Variants in CELF1 observed in about 807,000 individuals in gnomAD.
CELF1 encodes CUGBP Elav-like family member 1.
A neutral mutation model predicts 61.8 loss-of-function variants in CELF1; 10 were observed. That is an observed-to-expected ratio of 0.16 (90% confidence interval 0.10 to 0.27). CELF1 has a LOEUF of 0.27. Among genes scored for constraint, CELF1 ranks in the 10% least tolerant of loss-of-function variants. CELF1 has a pLI of 1.00. For missense variants in CELF1, 380 were observed against 639.1 expected (o/e 0.59, Z 4.37); for synonymous variants, 236 against 225.1 (o/e 1.05, Z -0.43).
At chr11:47,489,132 A>AATCT (rs1322703924) in intron 3 of CELF1, 108 bp from the exon 4 acceptor site, 19 of 971,918 alleles carry the variant, frequency 2.0e-5, no homozygotes, top group Non-Finnish European at 1.4e-6. Context: ...AGGGAAAAAA[A>AATCT]ATCTACTTCT....
At chr11:47,531,323 G>A (rs189009538) in intron 1 of CELF1, among the ~76,000 whole-genome samples, 7 of 151,724 alleles carry the variant, frequency 4.6e-5, no homozygotes, top group Admixed American at 2.0e-4. Flanking sequence ...TCAACCCAGC[G>A]CTTTGGGAGG....
At chr11:47,542,342 T>C (rs774283008) in intron 1 of CELF1, among the ~76,000 whole-genome samples, 52 of 151,988 alleles carry the variant, frequency 3.4e-4, no homozygotes, top group Non-Finnish European at 6.2e-4. Context: ...CACTCCACCC[T>C]GGGCAACAAG....
chr11:47,558,756 TAA>T (rs1261872536), intron 2 of CELF1, among the ~76,000 whole-genome samples: 1 of 101,800 alleles, frequency 9.8e-6, no homozygotes, highest in African/African-American at 4.0e-5. Flanking sequence ...ATAATATATA[TAA>T]TATATATAAT....
intron 1 of CELF1, among the ~76,000 whole-genome samples, chr11:47,528,338 G>A (rs1029038993): frequency 2.6e-5 from 4 of 152,060 alleles, no homozygotes; most frequent in Admixed American, 2.0e-4. Context: ...CTTATACTAT[G>A]TGTAAAACTC....
At chr11:47,511,636 T>C (rs973818789) in intron 1 of CELF1, among the ~76,000 whole-genome samples, 2 of 152,202 alleles carry the variant, frequency 1.3e-5, no homozygotes, top group African/African-American at 2.4e-5. Context: ...GCATTTACCA[T>C]ACACTATGAC....
chr11:47,487,283 A>G, intron 4 of CELF1, 42 bp from the exon 5 acceptor site: 1 of 1,490,650 alleles, frequency 6.7e-7, no homozygotes, highest in Non-Finnish European at 9.3e-7. Flanking sequence ...TTTGGAAAGC[A>G]GAGAATTCCT....
intron 3 of CELF1, among the ~76,000 whole-genome samples, chr11:47,497,112 C>T (rs548988059): frequency 6.6e-6 from 1 of 152,128 alleles, no homozygotes; most frequent in Non-Finnish European, 1.5e-5. Flanking sequence ...ACTAACAACT[C>T]TTGGGTTCTA....
intron 7 of CELF1, among the ~76,000 whole-genome samples, chr11:47,484,046 T>G (rs1208561083): frequency 6.6e-6 from 1 of 152,104 alleles, no homozygotes; most frequent in African/African-American, 2.4e-5. Flanking sequence ...ATTAAAAAGA[T>G]TCCAAGCCCG....
At chr11:47,478,483 G>T (rs745587069) in intron 10 of CELF1, among the ~76,000 whole-genome samples, 2 of 152,242 alleles carry the variant, frequency 1.3e-5, no homozygotes, top group Non-Finnish European at 2.9e-5. Context: ...AAGCTTCAAG[G>T]TAGGGCATTT....
chr11:47,481,562 TA>T (rs2083266453), intron 9 of CELF1, among the ~76,000 whole-genome samples: 1 of 152,194 alleles, frequency 6.6e-6, no homozygotes, highest in East Asian at 1.9e-4. Flanking sequence ...TGATGAGGAA[TA>T]AATGACTATA....
chr11:47,558,551 T>TA (rs1210719527), intron 2 of CELF1, among the ~76,000 whole-genome samples: 26 of 116,248 alleles, frequency 2.2e-4, no homozygotes, highest in African/African-American at 7.2e-4. Flanking sequence ...ATTTATATTA[T>TA]ATATATTTAT....
chr11:47,557,830 C>T (rs1008179559), upstream of CELF1: 20 of 151,258 alleles, frequency 1.3e-4, no homozygotes, highest in Admixed American at 1.3e-4. Flanking sequence ...CCACCTCGCC[C>T]TGCCCTTGTC....
Position 47,473,235 on chromosome 11 carries a change from C to CA in CELF1, c.1274-5dup, listed in dbSNP as rs2078434365. On this transcript the variant is annotated splice_polypyrimidine_tract_variant and splice_region_variant and intron_variant, in intron 13 of 14. Coordinates refer to ENST00000687097, the MANE Select transcript of CELF1 (RefSeq NM_001376376.1). ...AACAGGTTGGCTCCCTCTGGACCTTCAAAATACCCAGGAATTGGAAAAGTA... is the reference window on the plus strand; with the variant it reads ...AACAGGTTGGCTCCCTCTGGACCTTCAAAAATACCCAGGAATTGGAAAAGTA... 1.3e-5 allele frequency: 21 copies of CA among 1,609,588 alleles called. No homozygotes were observed. The highest frequency in any genetic ancestry group is 1.8e-5 in the Non-Finnish European group (21 of 1,178,642).
At chr11:47,476,821 A>G (rs2080436026) in intron 12 of CELF1, 25 bp downstream of exon 12, 1 of 1,554,798 alleles carries the variant, frequency 6.4e-7, no homozygotes, top group Non-Finnish European at 8.9e-7. Flanking sequence ...GAATAGTCTG[A>G]TGACAGCCAG....
At chr11:47,481,654 T>C (rs1167445500) in intron 9 of CELF1, among the ~76,000 whole-genome samples, 1 of 152,196 alleles carries the variant, frequency 6.6e-6, no homozygotes, top group African/African-American at 2.4e-5. Context: ...GATGACCTTT[T>C]TCCTCTTTGA....
chr11:47,483,327 C>CT, intron 8 of CELF1, 126 bp downstream of exon 8: 1 of 733,848 alleles, frequency 1.4e-6, no homozygotes, highest in Non-Finnish European at 2.4e-6. Context: ...TGGTTTTTAA[C>CT]TTTAAGATGT....
rs140779803 is a variant in CELF1, at chr11:47,488,526, T to C, written c.259+311A>G. ...AGGTCAAATAAGACACTCACGTGAGTCTGTCTCTTAAATTTAGAACCCTCA... is the reference window on the plus strand; with the variant it reads ...AGGTCAAATAAGACACTCACGTGAGCCTGTCTCTTAAATTTAGAACCCTCA... On this transcript the variant is annotated intron_variant, in intron 4 of 14. Transcript: ENST00000687097. 1.2e-3 allele frequency among the ~76,000 whole-genome samples: 185 copies of C among 152,270 alleles called. 1 individual carries two copies. The highest frequency in any genetic ancestry group is 4.3e-3 in the African/African-American group (180 of 41,550).
chr11:47,549,977 T>A (rs2097095591), intron 1 of CELF1, among the ~76,000 whole-genome samples: 1 of 151,910 alleles, frequency 6.6e-6, no homozygotes, highest in Non-Finnish European at 1.5e-5. Flanking sequence ...CCACCACACC[T>A]GGTTAATTTC....
chr11:47,547,669 C>CAAA (rs1169198313), intron 1 of CELF1, among the ~76,000 whole-genome samples: 1 of 61,098 alleles, frequency 1.6e-5, no homozygotes, highest in Non-Finnish European at 3.4e-5. Flanking sequence ...AACTCCATCT[C>CAAA]AAAAAAAAAA....
Sources: allele counts gnomAD v4.1 joint callset (sites outside exome capture counted in the v4.1 genomes callset), GRCh38; gene constraint gnomAD v4.1.1; transcripts MANE v1.5; gene names NCBI Gene and HGNC (gene_info 2026-07-23, HGNC 2026-07-21).